MYO9A: variants seen among roughly 807,000 people sequenced by gnomAD.
The protein encoded by MYO9A is myosin IXA.
MYO9A carries 103 observed loss-of-function variants against 293.3 expected under a neutral mutation model. The observed-to-expected ratio is 0.35, with a 90% CI of 0.30 to 0.41. The LOEUF (loss-of-function observed/expected upper bound fraction) is 0.41, where lower values mean the gene tolerates loss of function less well. Ranked by LOEUF, MYO9A falls within the 10% of genes least tolerant of loss-of-function variation. MYO9A has a pLI of 1.00. For synonymous variants in MYO9A, 1,001 were observed against 1,035.7 expected, an observed-to-expected ratio of 0.97 and a Z score of 0.64; for missense variants, 2,685 against 3,033.0, an observed-to-expected ratio of 0.89 and a Z score of 2.69.
chr15:71,886,306 G>A (rs1368989312), intron 27 of MYO9A, among the ~76,000 whole-genome samples: 1 of 152,040 alleles, frequency 6.6e-6, no homozygotes, highest in Non-Finnish European at 1.5e-5. Context: ...TGACTTTGCA[G>A]GGAGAGCTCC....
chr15:71,828,151 A>C, intron 40 of MYO9A, 125 bp from the exon 41 acceptor site: 1 of 1,108,834 alleles, frequency 9.0e-7, no homozygotes, highest in Non-Finnish European at 1.3e-6. Context: ...TACTGTCCCC[A>C]TCCAGGTGGT....
At chr15:71,998,550 CT>C (rs765185033) in intron 9 of MYO9A, among the ~76,000 whole-genome samples, 5,822 of 106,026 alleles carry the variant, frequency 0.055, 219 homozygotes, top group African/African-American at 0.14. Context: ...ATTTGGCTTT[CT>C]TTTTTTTTTT....
At chr15:71,832,467 A>G (rs1267603532) in intron 39 of MYO9A, among the ~76,000 whole-genome samples, 1 of 152,226 alleles carries the variant, frequency 6.6e-6, no homozygotes, top group Non-Finnish European at 1.5e-5. Flanking sequence ...TACAAAAAGC[A>G]AATTCCTTGC....
chr15:71,918,561 GTTTTAC>G (rs1188282878), intron 18 of MYO9A, among the ~76,000 whole-genome samples: 47 of 152,074 alleles, frequency 3.1e-4, no homozygotes, highest in Admixed American at 2.7e-3. Flanking sequence ...GAAAGTTTTT[GTTTTAC>G]TTTTATTGGC....
Position 71,930,701 on chromosome 15 carries a change from C to G in MYO9A, c.2562+2969G>C, listed in dbSNP as rs575670166. 9.8e-4 allele frequency among the ~76,000 whole-genome samples: 149 copies of G among 152,188 alleles called. 2 individuals carry two copies. Among genetic ancestry groups the G allele is most frequent in the Non-Finnish European group, 1.9e-3 (127 of 67,970 alleles). On this transcript the variant is annotated intron_variant, in intron 18 of 41. Coordinates refer to ENST00000356056, the MANE Select transcript of MYO9A (RefSeq NM_006901.4). ...AGAATTTAATCCATTTACATTCAAA[C>G]CAGTTATTGATAGGTAAAGATTTAC...
intron 1 of MYO9A, among the ~76,000 whole-genome samples, chr15:72,050,248 G>A (rs963146157): frequency 1.3e-5 from 2 of 151,890 alleles, no homozygotes; most frequent in Non-Finnish European, 2.9e-5. Flanking sequence ...TAAACAGCTT[G>A]GAAAATCTGT....
chr15:71,997,169 A>C (rs545674438), intron 9 of MYO9A, among the ~76,000 whole-genome samples: 1 of 151,646 alleles, frequency 6.6e-6, no homozygotes, highest in South Asian at 2.1e-4. Context: ...ACAAATTAAG[A>C]TTTTTTTTTC....
At chr15:72,090,710 C>G (rs2079877867) in intron 1 of MYO9A, among the ~76,000 whole-genome samples, 2 of 152,152 alleles carry the variant, frequency 1.3e-5, no homozygotes, top group Admixed American at 1.3e-4. Flanking sequence ...GTCAGTCACA[C>G]AGTGAGGGGT....
rs912261248 is a variant in MYO9A at position 71,899,600 on chromosome 15, T to C, written c.3470+87A>G. ...ACAAATTGTATACAACCAATTCTAA[T>C]ACAAATTAGACAAGTGTTAATGCAG... is the stretch of plus-strand genomic sequence containing the variant. On this transcript the variant is annotated intron_variant, in intron 24 of 41. Transcript: ENST00000356056. 2.8e-5 allele frequency: 33 copies of C among 1,197,952 alleles called. No homozygotes were observed. The African/African-American group carries it at 4.4e-4, about 16-fold the overall frequency. The allele number at this position is 1,197,952 out of a possible 1,614,324, so 74.2% of individuals were successfully genotyped here.
At chr15:71,997,152 C>CA (rs1211462932) in intron 9 of MYO9A, among the ~76,000 whole-genome samples, 1 of 151,704 alleles carries the variant, frequency 6.6e-6, no homozygotes, top group African/African-American at 2.4e-5. Context: ...CCTTTTAAAA[C>CA]AAAAAAACAA....
intron 1 of MYO9A, among the ~76,000 whole-genome samples, chr15:72,103,605 CAGA>C (rs1328027953): frequency 2.7e-5 from 4 of 148,308 alleles, no homozygotes; most frequent in Non-Finnish European, 4.5e-5. Context: ...GCAGTGGAAG[CAGA>C]AGAAGCAACA....
chr15:71,859,869 T>A, intron 33 of MYO9A, 73 bp from the exon 34 acceptor site: 1 of 1,328,830 alleles, frequency 7.5e-7, no homozygotes, highest in Non-Finnish European at 1.1e-6. Context: ...CAAGTATACT[T>A]TATTTTAGAC....
rs1439858381 is a variant in MYO9A at position 72,045,928 on chromosome 15, C to T, written c.636G>A (p.Glu212=). The T allele has an allele frequency of 1.2e-6, 2 of 1,614,100 alleles. No individual in the cohort carries two copies. The highest frequency in any genetic ancestry group is 1.6e-4 in the Middle Eastern group (1 of 6,062). Reference sequence around the variant, plus strand: ...CATCAGCCACAGCATAAATGTGGGGCTCAAGTTTTCCCAGTTGGTGGTTAT... The same window carrying T: ...CATCAGCCACAGCATAAATGTGGGGTTCAAGTTTTCCCAGTTGGTGGTTAT... ...MYDNHQLGKL[E]PHIYAVADVA... The change falls in exon 2 of 42, where the codon GAG becomes GAA. Residue 212 remains glutamate (E), a synonymous_variant. Coordinates refer to ENST00000356056, the MANE Select transcript of MYO9A (RefSeq NM_006901.4).
At chr15:71,903,568 A>G (rs1472628177) in intron 21 of MYO9A, among the ~76,000 whole-genome samples, 2 of 152,244 alleles carry the variant, frequency 1.3e-5, no homozygotes, top group African/African-American at 4.8e-5. Flanking sequence ...AATCCTGCTG[A>G]GAAAACTTTA....
At chr15:72,010,283 A>G (rs1006782843) in intron 7 of MYO9A, 67 bp downstream of exon 7, 8 of 1,338,082 alleles carry the variant, frequency 6.0e-6, no homozygotes, top group African/African-American at 1.4e-5. Flanking sequence ...GGTCAACGGC[A>G]GAAATCTTTC....
In MYO9A at chr15:72,117,885, C is replaced by T. The variant is rs1435794575; in HGVS notation, c.-277G>A. On this transcript the variant is annotated 5_prime_UTR_variant, in exon 1 of 42. Coordinates refer to ENST00000356056, the MANE Select transcript of MYO9A (RefSeq NM_006901.4). ...CCCGCCCTGTCAGAGAGACTCCGCC[C>T]GGCCTGAGCAGGCACATCCCCCGCC... 2 of 398,252 alleles carry T rather than the reference C, an allele frequency of 5.0e-6. No individual in the cohort carries two copies. Among genetic ancestry groups the T allele is most frequent in the Admixed American group, 8.8e-5 (2 of 22,698 alleles). The allele number at this position is 398,252 out of a possible 1,614,324, so 24.7% of individuals were successfully genotyped here.
Position 72,046,295 on chromosome 15 carries a change from G to C in MYO9A, c.269C>G (p.Pro90Arg), listed in dbSNP as rs1414122544. ...DCPVQRMMLW[P>R]RMALENRLSG... The stretch of plus-strand genomic sequence containing the variant: ...TAAGCGATTTTCCAGAGCCATTCGG[G>C]GCCACAGCATCATTCGCTGAACTGG... The change falls in exon 2 of 42, where the codon CCC becomes CGC. Residue 90 changes from proline (P) to arginine (R), a missense_variant. Transcript: ENST00000356056. 1 of 1,613,902 alleles carries C rather than the reference G, an allele frequency of 6.2e-7. No individual in the cohort carries two copies. The highest frequency in any genetic ancestry group is 8.5e-7 in the Non-Finnish European group (1 of 1,179,956).
chr15:72,083,623 C>G (rs568330270), intron 1 of MYO9A, among the ~76,000 whole-genome samples: 2 of 152,130 alleles, frequency 1.3e-5, no homozygotes, highest in Non-Finnish European at 2.9e-5. Context: ...ATCTTTTTAA[C>G]TTTTTCATGT....
chr15:71,983,054 C>G (rs1036762033), intron 11 of MYO9A, among the ~76,000 whole-genome samples: 6 of 152,088 alleles, frequency 3.9e-5, no homozygotes, highest in African/African-American at 9.7e-5. Flanking sequence ...AAGCAACAAT[C>G]AGTTTAGTTT....
Sources: gnomAD v4.1 joint callset for allele counts (sites outside exome capture counted in the v4.1 genomes callset) on GRCh38, gnomAD v4.1.1 for gene constraint, MANE v1.5 for transcripts, NCBI Gene and HGNC (gene_info 2026-07-23, HGNC 2026-07-21) for gene names.